The following ROR1 variants were observed in gnomAD, a reference collection of about 807,000 sequenced individuals.
The protein encoded by ROR1 is inactive tyrosine-protein kinase transmembrane receptor ROR1.
ROR1 carries 19 observed loss-of-function variants against 78.8 expected under a neutral mutation model. The ratio of observed to expected loss-of-function variants is 0.24; its 90% CI spans 0.17 to 0.35. ROR1 has a LOEUF of 0.35. Among genes scored for constraint, ROR1 ranks in the 10% least tolerant of loss-of-function variants. The pLI is 1.00. For missense variants in ROR1, 917 were observed against 1,177.8 expected (o/e 0.78, Z 3.24); for synonymous variants, 386 against 433.6 (o/e 0.89, Z 1.36).
At chr1:63,853,563 A>G (rs187191223) in intron 1 of ROR1, among the ~76,000 whole-genome samples, 67 of 152,348 alleles carry the variant, frequency 4.4e-4, no homozygotes, top group Admixed American at 7.8e-4. Flanking sequence ...TCTGATCTCA[A>G]GCATTTTGGG....
intron 1 of ROR1, among the ~76,000 whole-genome samples, chr1:63,939,846 G>C (rs1645822317): frequency 6.6e-6 from 1 of 152,184 alleles, no homozygotes; most frequent in African/African-American, 2.4e-5. Context: ...TGTCACCACA[G>C]ACAAGCCTGC....
rs776549301 is a variant in ROR1 at position 64,178,332 on chromosome 1, G to A, written c.2291G>A (p.Gly764Glu). The A allele has an allele frequency of 6.2e-7, 1 of 1,614,128 alleles. No homozygotes were observed. ...SHTSSTTPSGGNATTQTTSLS... is the reference protein window; with the variant it reads ...SHTSSTTPSGENATTQTTSLS... ...ACAAGCTCTACTACTCCTTCAGGGG[G>A]AAATGCCACCACACAGACAACCTCC... The change falls in exon 9 of 9, where the codon GGA becomes GAA. Residue 764 changes from glycine to glutamate, a missense_variant. Transcript: ENST00000371079. The surrounding 1 kb of genome is among the most constrained non-coding windows in gnomAD (Gnocchi z 4.3).
chr1:64,026,501 G>A (rs1033603460), intron 2 of ROR1, among the ~76,000 whole-genome samples: 2 of 152,268 alleles, frequency 1.3e-5, no homozygotes, highest in Admixed American at 6.5e-5. Context: ...ATTCAAAGCA[G>A]TATCTTGTAG....
chr1:63,930,276 T>C (rs1462799602), intron 1 of ROR1, among the ~76,000 whole-genome samples: 1 of 152,154 alleles, frequency 6.6e-6, no homozygotes, highest in Non-Finnish European at 1.5e-5. Flanking sequence ...TGTTCAACAG[T>C]GGTCAGGTTC....
intron 1 of ROR1, chr1:63,843,700 A>G (rs1430724445): frequency 1.9e-6 from 1 of 513,106 alleles, no homozygotes; most frequent in Admixed American, 2.4e-5. Flanking sequence ...TCCAGAAGTG[A>G]AAAGGAGAGG....
chr1:63,892,775 G>C (rs978745750), intron 1 of ROR1, among the ~76,000 whole-genome samples: 8 of 152,132 alleles, frequency 5.3e-5, no homozygotes, highest in African/African-American at 1.9e-4. Context: ...CATCTGCAGA[G>C]TGGAGGGAGT....
At position 64,140,485 on chromosome 1, in the gene ROR1, G is replaced by C. The variant is rs1649274886; in HGVS notation, c.928+59G>C. ...TAAGGGTCAGCAACCTGTTGGCACA[G>C]GGAAAACTGGACCTTGACCCATAGT... is the stretch of plus-strand genomic sequence containing the variant. On this transcript the variant is annotated intron_variant, in intron 6 of 8. Transcript: ENST00000371079. The C allele has an allele frequency of 8.0e-6, 12 of 1,498,574 alleles. 1 individual carries two copies. The South Asian group carries it at 1.3e-4, about 17-fold the overall frequency. The allele number at this position is 1,498,574 out of a possible 1,614,324, so 92.8% of individuals were successfully genotyped here.
intron 2 of ROR1, among the ~76,000 whole-genome samples, chr1:64,034,617 A>G (rs758590915): frequency 3.3e-5 from 5 of 152,114 alleles, no homozygotes; most frequent in Non-Finnish European, 7.3e-5. Context: ...TTCCCAAAAA[A>G]CAATTGCTAG....
At chr1:64,051,192 C>T (rs1646825574) in intron 4 of ROR1, among the ~76,000 whole-genome samples, 1 of 152,054 alleles carries the variant, frequency 6.6e-6, no homozygotes, top group African/African-American at 2.4e-5. Context: ...TGGCTCATGC[C>T]TGTAATCCCA....
At chr1:63,786,668 A>G (rs1190769020) in intron 1 of ROR1, among the ~76,000 whole-genome samples, 1 of 151,426 alleles carries the variant, frequency 6.6e-6, no homozygotes, top group Non-Finnish European at 1.5e-5. Context: ...CCTTTTAGAA[A>G]TAATCCTCCC....
chr1:63,932,572 C>T (rs1645762460), intron 1 of ROR1, among the ~76,000 whole-genome samples: 1 of 152,062 alleles, frequency 6.6e-6, no homozygotes, highest in Admixed American at 6.6e-5. Flanking sequence ...AGAATGATGC[C>T]CCTGATGGTT....
intron 1 of ROR1, among the ~76,000 whole-genome samples, chr1:63,932,716 G>T (rs540634053): frequency 3.5e-4 from 53 of 152,312 alleles, no homozygotes; most frequent in African/African-American, 1.2e-3. Flanking sequence ...GAGGAGGTAG[G>T]TGACTCCTTT....
At chr1:64,126,315 T>A (rs1346900994) in intron 4 of ROR1, among the ~76,000 whole-genome samples, 1 of 152,218 alleles carries the variant, frequency 6.6e-6, no homozygotes, top group African/African-American at 2.4e-5. Flanking sequence ...TTGTGATTGC[T>A]GTTAATGTGC....
intron 1 of ROR1, among the ~76,000 whole-genome samples, chr1:63,849,952 C>T (rs1495193): frequency 0.21 from 32,165 of 152,070 alleles, 3,574 homozygotes; most frequent in Middle Eastern, 0.26. Context: ...AACAAAAGCT[C>T]CCAGTGTACC....
At chr1:63,887,779 C>G (rs1434406293) in intron 1 of ROR1, among the ~76,000 whole-genome samples, 1 of 152,164 alleles carries the variant, frequency 6.6e-6, no homozygotes, top group Non-Finnish European at 1.5e-5. Flanking sequence ...AATGATGGGC[C>G]TAGGTGACCT....
At chr1:63,819,261 T>G (rs1456951045) in intron 1 of ROR1, among the ~76,000 whole-genome samples, 1 of 152,210 alleles carries the variant, frequency 6.6e-6, no homozygotes, top group Non-Finnish European at 1.5e-5. Flanking sequence ...CTTTTCATGG[T>G]AGGATCATCT....
At position 64,132,509 on chromosome 1, in the gene ROR1, T is replaced by C. The variant is rs546312613; in HGVS notation, c.483-4860T>C. 3.3e-5 allele frequency among the ~76,000 whole-genome samples: 5 copies of C among 152,120 alleles called. No individual in the cohort carries two copies. In the South Asian group the frequency reaches 1.0e-3, roughly 32 times the overall value. ...GCGTGGTGGCTCACACCTGTAATCC[T>C]AGCACTTTGGGAAGCCAAGGCAGGT... On this transcript the variant is annotated intron_variant, in intron 4 of 8. Transcript: ENST00000371079.
At chr1:64,045,431 A>T (rs566990730) in intron 2 of ROR1, among the ~76,000 whole-genome samples, 161 of 152,170 alleles carry the variant, frequency 1.1e-3, no homozygotes, top group Non-Finnish European at 1.9e-3. Context: ...AAGCAATGGG[A>T]TTGTTTTTAT....
At chr1:63,817,177 G>A (rs1361074611) in intron 1 of ROR1, among the ~76,000 whole-genome samples, 5 of 152,164 alleles carry the variant, frequency 3.3e-5, no homozygotes, top group African/African-American at 9.7e-5. Context: ...TGCATTTCCT[G>A]CCTGCTTGTG....
Sources: allele counts gnomAD v4.1 joint callset (sites outside exome capture counted in the v4.1 genomes callset), GRCh38; gene constraint gnomAD v4.1.1; non-coding constraint Gnocchi (gnomAD v3.1); transcripts MANE v1.5; gene names NCBI Gene and HGNC (gene_info 2026-07-23, HGNC 2026-07-21).